SLC60A2: variants seen among roughly 807,000 people sequenced by gnomAD.
SLC60A2 encodes the protein solute carrier family 60 member 2, also known as major facilitator superfamily domain containing 4B.
chr6:111,270,137 T>A, the SLC60A2 span: 3 of 152,304 alleles, frequency 2.0e-5, no homozygotes, highest in African/African-American at 7.2e-5. Flanking sequence ...TTCTCACAGA[T>A]GCCTCTCACA....
At chr6:111,273,038 C>T in the SLC60A2 span, among the ~76,000 whole-genome samples, 6 of 150,330 alleles carry the variant, frequency 4.0e-5, no homozygotes, top group African/African-American at 1.5e-4. Flanking sequence ...ACCATGTCAG[C>T]CAGGCTGGTC....
chr6:111,272,979 C>T, the SLC60A2 span, among the ~76,000 whole-genome samples: 2 of 150,298 alleles, frequency 1.3e-5, no homozygotes, highest in African/African-American at 4.9e-5. Context: ...TACAGGCATC[C>T]ACCACCATGC....
At chr6:111,271,160 T>A in the SLC60A2 span, 2 of 91,510 alleles carry the variant, frequency 2.2e-5, no homozygotes, top group African/African-American at 4.5e-5. Context: ...AGAGGGAGAC[T>A]CCATCTCAAA....
the SLC60A2 span, chr6:111,262,355 CT>C: frequency 1.2e-6 from 2 of 1,614,114 alleles, no homozygotes; most frequent in South Asian, 2.2e-5. Context: ...TGGGTCGTGC[CT>C]TGGGATATTT....
the SLC60A2 span, among the ~76,000 whole-genome samples, chr6:111,273,309 T>C: frequency 6.6e-6 from 1 of 151,980 alleles, no homozygotes. Flanking sequence ...CTATGCTTAT[T>C]ATTATTATTT....
At chr6:111,269,671 G>C in the SLC60A2 span, 11 of 152,186 alleles carry the variant, frequency 7.2e-5, no homozygotes, top group African/African-American at 2.7e-4. Context: ...TTACAGGGTA[G>C]AAGATGCAGC....
chr6:111,263,660 A>C, the SLC60A2 span, among the ~76,000 whole-genome samples: 5 of 152,254 alleles, frequency 3.3e-5, no homozygotes, highest in Non-Finnish European at 5.9e-5. Context: ...TAATCCATAA[A>C]GATTATAAAA....
chr6:111,262,327 G>T, the SLC60A2 span: 1 of 1,614,116 alleles, frequency 6.2e-7, no homozygotes, highest in Middle Eastern at 1.6e-4. Flanking sequence ...AATATCAGTA[G>T]TCTGTCTTTC....
chr6:111,267,680 G>C, the SLC60A2 span: 3 of 152,300 alleles, frequency 2.0e-5, no homozygotes, highest in Non-Finnish European at 4.4e-5. Context: ...AATTAGCCAG[G>C]CGTGGTGGCA....
At chr6:111,262,374 T>A in the SLC60A2 span, 1 of 1,614,122 alleles carries the variant, frequency 6.2e-7, no homozygotes, top group Non-Finnish European at 8.5e-7. Flanking sequence ...TTTGAGTGGC[T>A]CTGTGATTGG....
the SLC60A2 span, chr6:111,259,764 G>T: frequency 6.5e-7 from 1 of 1,548,614 alleles, no homozygotes; most frequent in Non-Finnish European, 8.7e-7. Flanking sequence ...AGGCCGGGGC[G>T]TTCGAGTCTT....
chr6:111,271,535 A>G, the SLC60A2 span, among the ~76,000 whole-genome samples: 1 of 152,010 alleles, frequency 6.6e-6, no homozygotes, highest in Non-Finnish European at 1.5e-5. Flanking sequence ...TTGACATTAC[A>G]GTTGGTGAAC....
chr6:111,277,448 G>A, the SLC60A2 span, among the ~76,000 whole-genome samples: 2 of 152,202 alleles, frequency 1.3e-5, no homozygotes, highest in Non-Finnish European at 2.9e-5. Flanking sequence ...GTTCTCATCT[G>A]TGCGGACCAG....
chr6:111,272,160 G>A, the SLC60A2 span, among the ~76,000 whole-genome samples: 1 of 151,702 alleles, frequency 6.6e-6, no homozygotes, highest in South Asian at 2.1e-4. Flanking sequence ...GTGCAACCAT[G>A]CCTGGCTAAT....
At chr6:111,262,964 C>T in the SLC60A2 span, among the ~76,000 whole-genome samples, 2 of 151,938 alleles carry the variant, frequency 1.3e-5, no homozygotes, top group Admixed American at 6.6e-5. Context: ...ACAGGGTCTC[C>T]TCTCCCTCTA....
the SLC60A2 span, chr6:111,259,378 C>T: frequency 2.8e-6 from 1 of 358,986 alleles, no homozygotes; most frequent in East Asian, 4.1e-5. Context: ...CTGCGGCGTG[C>T]CGAAGTTCCT....
At chr6:111,272,815 A>G in the SLC60A2 span, among the ~76,000 whole-genome samples, 1 of 151,426 alleles carries the variant, frequency 6.6e-6, no homozygotes, top group African/African-American at 2.4e-5. Flanking sequence ...CCCGATCTCT[A>G]TCTAACTGTA....
the SLC60A2 span, chr6:111,262,116 A>G: frequency 1.8e-6 from 1 of 558,194 alleles, no homozygotes; most frequent in Middle Eastern, 4.9e-4. Flanking sequence ...AAACTAAAAA[A>G]ACAGTAGTCT....
At chr6:111,271,775 TAA>T in the SLC60A2 span, among the ~76,000 whole-genome samples, 39 of 18,842 alleles carry the variant, frequency 2.1e-3, no homozygotes, top group African/African-American at 5.2e-3. Context: ...CCATCTCTAC[TAA>T]AAAAAAAAAA....
Sources: gnomAD v4.1 joint callset for allele counts (sites outside exome capture counted in the v4.1 genomes callset) on GRCh38, gnomAD v4.1.1 for gene constraint, MANE v1.5 for transcripts, NCBI Gene and HGNC (gene_info 2026-07-23, HGNC 2026-07-21) for gene names.